ZNF536: variants seen among roughly 807,000 people sequenced by gnomAD.
ZNF536 encodes zinc finger protein 536.
In ZNF536, 13 loss-of-function variants were observed where a neutral mutation model predicts 84.5. The ratio of observed to expected loss-of-function variants is 0.15; its 90% CI spans 0.10 to 0.24. ZNF536 has a LOEUF of 0.24. Ranked by LOEUF, ZNF536 falls within the 10% of genes least tolerant of loss-of-function variation. The pLI, the probability that ZNF536 is intolerant of heterozygous loss-of-function variation, is 1.00. For synonymous variants in ZNF536, 811 were observed against 742.5 expected, an observed-to-expected ratio of 1.09 and a Z score of -1.50; for missense variants, 1,536 against 1,747.5, an observed-to-expected ratio of 0.88 and a Z score of 2.16.
intron 1 of ZNF536, among the ~76,000 whole-genome samples, chr19:30,709,214 G>T (rs2148061841): frequency 6.6e-6 from 1 of 152,284 alleles, no homozygotes; most frequent in East Asian, 1.9e-4. Context: ...CCAAATTACA[G>T]TCTTTCTAGG....
chr19:30,331,693 C>A (rs1298635440), intron 2 of ZNF536, among the ~76,000 whole-genome samples: 1 of 152,206 alleles, frequency 6.6e-6, no homozygotes, highest in Non-Finnish European at 1.5e-5. Context: ...CAGTGACCAA[C>A]ACCTGAGCTC....
At chr19:30,317,338 T>C (rs896212356) in intron 2 of ZNF536, among the ~76,000 whole-genome samples, 2 of 152,188 alleles carry the variant, frequency 1.3e-5, no homozygotes, top group Admixed American at 6.5e-5. Flanking sequence ...TAGCCACCCA[T>C]GATCTCAAGC....
intron 3 of ZNF536, among the ~76,000 whole-genome samples, chr19:30,547,099 T>A (rs2045587809): frequency 6.6e-6 from 1 of 152,222 alleles, no homozygotes; most frequent in Non-Finnish European, 1.5e-5. Flanking sequence ...TTACACATTT[T>A]ACTACCGGAG....
At chr19:30,638,565 G>A (rs1397379602) in intron 1 of ZNF536, among the ~76,000 whole-genome samples, 1 of 152,184 alleles carries the variant, frequency 6.6e-6, no homozygotes, top group Non-Finnish European at 1.5e-5. Flanking sequence ...CATTACCAAG[G>A]CAGGTAGTGC....
chr19:30,658,982 T>C (rs995058228), intron 1 of ZNF536, among the ~76,000 whole-genome samples: 10 of 152,242 alleles, frequency 6.6e-5, no homozygotes, highest in African/African-American at 2.4e-4. Flanking sequence ...CTGGGCAGTT[T>C]GTCAGCTCTC....
chr19:30,593,576 C>T (rs546010238), intron 1 of ZNF536, among the ~76,000 whole-genome samples: 2 of 152,170 alleles, frequency 1.3e-5, no homozygotes, highest in Non-Finnish European at 2.9e-5. Flanking sequence ...TTTGGCAAAG[C>T]AAAACTCTTC....
At chr19:30,396,234 T>C (rs2049811166) in intron 1 of ZNF536, among the ~76,000 whole-genome samples, 2 of 152,170 alleles carry the variant, frequency 1.3e-5, no homozygotes, top group Non-Finnish European at 1.5e-5. Context: ...TCTCTCCATC[T>C]CCTGATGGGA....
At chr19:30,578,666 C>T (rs1293734947) in intron 1 of ZNF536, among the ~76,000 whole-genome samples, 2 of 152,218 alleles carry the variant, frequency 1.3e-5, no homozygotes, top group African/African-American at 4.8e-5. Flanking sequence ...CTTTTGAGCT[C>T]TTGAAATACT....
chr19:30,349,736 A>C (rs564679550), intron 2 of ZNF536, among the ~76,000 whole-genome samples: 98 of 152,124 alleles, frequency 6.4e-4, no homozygotes, highest in African/African-American at 2.2e-3. Context: ...TGCTTGATTT[A>C]AGATACACAG....
intron 2 of ZNF536, among the ~76,000 whole-genome samples, chr19:30,306,758 T>C (rs1268221585): frequency 2.0e-5 from 3 of 152,240 alleles, no homozygotes. Flanking sequence ...TATGCAGCTG[T>C]GTTTGCTGTG....
intron 1 of ZNF536, among the ~76,000 whole-genome samples, chr19:30,282,631 G>C (rs1462713438): frequency 6.6e-6 from 1 of 152,162 alleles, no homozygotes; most frequent in Non-Finnish European, 1.5e-5. Context: ...TAAACATAAG[G>C]AGGTCGTAGA....
chr19:30,278,363 C>T (rs146844532), intron 1 of ZNF536, among the ~76,000 whole-genome samples: 1 of 152,294 alleles, frequency 6.6e-6, no homozygotes, highest in African/African-American at 2.4e-5. Context: ...GGTTTCTGGC[C>T]ATGGGCGATT....
intron 1 of ZNF536, among the ~76,000 whole-genome samples, chr19:30,380,865 AT>A (rs2048995835): frequency 6.6e-6 from 1 of 152,030 alleles, no homozygotes; most frequent in Non-Finnish European, 1.5e-5. Context: ...AAATTTATAT[AT>A]TGTTACATAT....
chr19:30,256,468 C>T lies in ZNF536; in HGVS notation c.-189-27604C>T, dbSNP rs180962430. ...CATGATTCGGTATTGGCAATAGCGACGTATGTTTAATCACATTTTCCATGA... is the reference window on the plus strand; with the variant it reads ...CATGATTCGGTATTGGCAATAGCGATGTATGTTTAATCACATTTTCCATGA... On this transcript the variant is annotated intron_variant, in intron 1 of 5. Coordinates refer to the ZNF536 transcript ENST00000585628. Among the ~76,000 whole-genome samples the T allele has an allele frequency of 1.3e-5, 2 of 152,180 alleles. 1 individual carries two copies. Among genetic ancestry groups the T allele is most frequent in the South Asian group, 4.1e-4 (2 of 4,830 alleles).
chr19:30,402,796 A>ATATATAT (rs1555744993), intron 1 of ZNF536, among the ~76,000 whole-genome samples: 1,525 of 85,538 alleles, frequency 0.018, 81 homozygotes, highest in African/African-American at 0.031. Context: ...AAAATTAAAA[A>ATATATAT]ATATATATAT....
At chr19:30,618,601 T>G (rs2048379711) in intron 1 of ZNF536, among the ~76,000 whole-genome samples, 1 of 152,176 alleles carries the variant, frequency 6.6e-6, no homozygotes, top group African/African-American at 2.4e-5. Context: ...TTTTGTCTTA[T>G]GTTATCTGAG....
intron 1 of ZNF536, among the ~76,000 whole-genome samples, chr19:30,660,601 T>C (rs1193479984): frequency 6.6e-6 from 1 of 152,270 alleles, no homozygotes; most frequent in African/African-American, 2.4e-5. Flanking sequence ...CAAAGATATC[T>C]GAAGAGCACT....
chr19:30,585,371 G>T (rs1450185190), intron 1 of ZNF536, among the ~76,000 whole-genome samples: 5 of 152,202 alleles, frequency 3.3e-5, no homozygotes, highest in Admixed American at 2.0e-4. Flanking sequence ...AATACTGAAT[G>T]AAGGGATGAA....
intron 1 of ZNF536, among the ~76,000 whole-genome samples, chr19:30,390,640 C>T (rs2049546769): frequency 6.6e-6 from 1 of 152,186 alleles, no homozygotes; most frequent in African/African-American, 2.4e-5. Context: ...TTTATGTTTC[C>T]AAATCTATCG....
Sources: gnomAD v4.1 joint callset for allele counts (sites outside exome capture counted in the v4.1 genomes callset) on GRCh38, gnomAD v4.1.1 for gene constraint, MANE v1.5 for transcripts, NCBI Gene and HGNC (gene_info 2026-07-23, HGNC 2026-07-21) for gene names.